The following SEMA6D variants were observed in gnomAD, a reference collection of about 807,000 sequenced individuals.
The protein encoded by SEMA6D is semaphorin-6D.
In SEMA6D, 35 loss-of-function variants were observed where a neutral mutation model predicts 106.6. The ratio of observed to expected loss-of-function variants is 0.33; its 90% CI spans 0.25 to 0.44. The LOEUF is 0.44. Among genes scored for constraint, SEMA6D ranks in the 20% least tolerant of loss-of-function variants. SEMA6D has a pLI of 1.00. For synonymous variants in SEMA6D, 499 were observed against 487.7 expected (o/e 1.02, Z -0.31); for missense variants, 1,185 against 1,345.9 (o/e 0.88, Z 1.87).
chr15:47,238,246 C>T (rs532420278), intron 1 of SEMA6D, among the ~76,000 whole-genome samples: 6 of 152,020 alleles, frequency 3.9e-5, no homozygotes, highest in Non-Finnish European at 7.4e-5. Flanking sequence ...GCTGTAAACT[C>T]GTCATTGGAG....
At chr15:47,630,639 A>T (rs1435264928) in intron 4 of SEMA6D, among the ~76,000 whole-genome samples, 2 of 151,800 alleles carry the variant, frequency 1.3e-5, no homozygotes, top group African/African-American at 4.8e-5. Flanking sequence ...GTGTTGAATA[A>T]GAGTAGTAAG....
At chr15:47,401,895 T>C (rs2146004131) in intron 1 of SEMA6D, among the ~76,000 whole-genome samples, 1 of 152,332 alleles carries the variant, frequency 6.6e-6, no homozygotes, top group African/African-American at 2.4e-5. Context: ...TTCTAAAATA[T>C]TGTCTTCCCC....
intron 3 of SEMA6D, among the ~76,000 whole-genome samples, chr15:47,524,618 A>G (rs555879394): frequency 3.5e-4 from 53 of 152,314 alleles, no homozygotes; most frequent in African/African-American, 1.3e-3. Flanking sequence ...GACCCAAAAG[A>G]TTCGGAGGTG....
intron 2 of SEMA6D, among the ~76,000 whole-genome samples, chr15:47,445,356 A>G (rs2041999163): frequency 6.6e-6 from 1 of 152,012 alleles, no homozygotes; most frequent in Non-Finnish European, 1.5e-5. Flanking sequence ...GTGTGTATCA[A>G]TTTGGTCGTA....
intron 3 of SEMA6D, among the ~76,000 whole-genome samples, chr15:47,534,787 C>T (rs2045100043): frequency 6.6e-6 from 1 of 151,984 alleles, no homozygotes; most frequent in African/African-American, 2.4e-5. Flanking sequence ...TGCATGCACA[C>T]ACCCAAATTC....
At chr15:47,300,822 T>C (rs1306202685) in intron 1 of SEMA6D, among the ~76,000 whole-genome samples, 1 of 152,184 alleles carries the variant, frequency 6.6e-6, no homozygotes, top group African/African-American at 2.4e-5. Context: ...ACACAGCTGT[T>C]GTATGTCATG....
At chr15:47,706,342 C>G (rs1231629770) in intron 4 of SEMA6D, among the ~76,000 whole-genome samples, 1 of 152,114 alleles carries the variant, frequency 6.6e-6, no homozygotes, top group Admixed American at 6.5e-5. Flanking sequence ...ATTTCATTTT[C>G]TCTTAATTTA....
chr15:47,534,347 A>G (rs7183575), intron 3 of SEMA6D, among the ~76,000 whole-genome samples: 16,471 of 151,540 alleles, frequency 0.11, 1,379 homozygotes, highest in African/African-American at 0.24. Flanking sequence ...TGCCCAGCTA[A>G]TTTTTTTATA....
At chr15:47,331,009 T>G (rs143343140) in intron 1 of SEMA6D, among the ~76,000 whole-genome samples, 1 of 152,328 alleles carries the variant, frequency 6.6e-6, no homozygotes, top group Non-Finnish European at 1.5e-5. Flanking sequence ...TATTTCAGTC[T>G]TTAGCTGTGA....
Position 47,764,672 on chromosome 15 carries a change from G to A in SEMA6D, c.1132G>A (p.Ala378Thr), listed in dbSNP as rs145772600. 3.9e-5 allele frequency: 63 copies of A among 1,613,938 alleles called. No individual in the cohort carries two copies. In the African/African-American group the frequency reaches 6.3e-4, roughly 16 times the overall value. ...GCCAKHGLAE[A>T]YKTSIDFPDE... ...TTGTGCAAAACACGGCCTTGCCGAA[G>A]CTTATAAAACCTCCATCGATTTCCC... The change falls in exon 12 of 19, where the codon GCT becomes ACT. Residue 378 changes from alanine to threonine, a missense_variant. Physicochemically the swap from Ala to Thr is moderately conservative, Grantham distance 58. This residue lies in a region of SEMA6D where 291 missense variants were observed against 423.8 expected (regional missense o/e 0.69). Transcript: ENST00000536845.
chr15:47,663,102 G>T (rs191167341), intron 4 of SEMA6D, among the ~76,000 whole-genome samples: 2 of 152,288 alleles, frequency 1.3e-5, no homozygotes, highest in African/African-American at 4.8e-5. Flanking sequence ...AATGATCAAC[G>T]TGAGATAATA....
At chr15:47,639,192 A>G (rs2077446140) in intron 4 of SEMA6D, among the ~76,000 whole-genome samples, 1 of 152,226 alleles carries the variant, frequency 6.6e-6, no homozygotes. Flanking sequence ...GCACATGTAC[A>G]GCATGAGCCT....
chr15:47,491,926 C>G (rs370223636), intron 3 of SEMA6D, among the ~76,000 whole-genome samples: 184 of 152,244 alleles, frequency 1.2e-3, no homozygotes, highest in African/African-American at 4.1e-3. Context: ...ACAAATTTGG[C>G]TTCTACTCCT....
At chr15:47,271,676 A>G (rs1023624420) in intron 1 of SEMA6D, among the ~76,000 whole-genome samples, 16 of 152,280 alleles carry the variant, frequency 1.1e-4, no homozygotes, top group African/African-American at 3.6e-4. Context: ...GGCAAAGGTC[A>G]GTTGTTTTAG....
At chr15:47,348,776 G>T (rs1273614639) in intron 1 of SEMA6D, among the ~76,000 whole-genome samples, 1 of 95,400 alleles carries the variant, frequency 1.0e-5, no homozygotes, top group Admixed American at 1.1e-4. Context: ...ATTTTTTCCT[G>T]CTATGCCAGA....
chr15:47,493,529 C>T (rs1266440662), intron 3 of SEMA6D, among the ~76,000 whole-genome samples: 6 of 152,132 alleles, frequency 3.9e-5, no homozygotes, highest in Non-Finnish European at 7.4e-5. Context: ...CATTCACAGA[C>T]ACCCTTGACG....
At chr15:47,536,977 A>C (rs951434120) in intron 3 of SEMA6D, among the ~76,000 whole-genome samples, 4 of 152,218 alleles carry the variant, frequency 2.6e-5, no homozygotes. Flanking sequence ...TAATTAAGAA[A>C]ACATCAGTGT....
At chr15:47,428,609 A>C (rs2041423882) in intron 2 of SEMA6D, among the ~76,000 whole-genome samples, 1 of 33,902 alleles carries the variant, frequency 2.9e-5, no homozygotes, top group African/African-American at 9.1e-5. Flanking sequence ...CCCTGTCTCT[A>C]CTGAAAATAA....
At chr15:47,630,419 T>C (rs1238342560) in intron 4 of SEMA6D, among the ~76,000 whole-genome samples, 2 of 151,922 alleles carry the variant, frequency 1.3e-5, no homozygotes, top group East Asian at 3.8e-4. Flanking sequence ...CATTGTTCGT[T>C]GTTATGTAGA....
Sources: allele counts gnomAD v4.1 joint callset (sites outside exome capture counted in the v4.1 genomes callset), GRCh38; gene constraint gnomAD v4.1.1; regional missense constraint gnomAD v4.1.1; transcripts MANE v1.5; gene names NCBI Gene and HGNC (gene_info 2026-07-23, HGNC 2026-07-21).